SDK1: variants seen among roughly 807,000 people sequenced by gnomAD.
SDK1 encodes sidekick cell adhesion molecule 1, also known as protein sidekick-1.
Under a neutral mutation model 245.5 loss-of-function variants are expected in SDK1, and 157 were observed. The ratio of observed to expected loss-of-function variants is 0.64; its 90% CI spans 0.56 to 0.73. The LOEUF is 0.73. Among genes scored for constraint, SDK1 ranks in the 30% least tolerant of loss-of-function variants. The pLI, the probability that SDK1 is intolerant of heterozygous loss-of-function variation, is 0.00. For missense variants in SDK1, 3,583 were observed against 3,002.3 expected, an observed-to-expected ratio of 1.19 and a Z score of -4.52; for synonymous variants, 1,647 against 1,278.5, an observed-to-expected ratio of 1.29 and a Z score of -6.15.
intron 1 of SDK1, among the ~76,000 whole-genome samples, chr7:3,388,798 C>A (rs1454278329): frequency 6.6e-6 from 1 of 152,024 alleles, no homozygotes; most frequent in Non-Finnish European, 1.5e-5. Context: ...ACTAAGTCAA[C>A]GTGTGTTTAT....
chr7:4,051,680 G>A lies in SDK1; in HGVS notation c.2761G>A (p.Val921Ile). 1 of 1,613,288 alleles carries A rather than the reference G, an allele frequency of 6.2e-7. No homozygotes were observed. The highest frequency in any genetic ancestry group is 8.5e-7 in the Non-Finnish European group (1 of 1,179,682). The change falls in exon 19 of 45, where the codon GTC becomes ATC. Residue 921 changes from valine to isoleucine, a missense_variant. By Grantham distance (29) the Val-to-Ile change is conservative (BLOSUM62 3). Coordinates refer to ENST00000404826, the MANE Select transcript of SDK1 (RefSeq NM_152744.4). Reference protein sequence around the residue: ...PADAPEAVTVVTIAPDFHGVH... With the variant: ...PADAPEAVTVITIAPDFHGVH... Reference sequence around the variant, plus strand: ...AGATGCCCCCGAGGCTGTCACTGTGGTCACTATTGCCCCAGATTTCCACGG... The same window carrying A: ...AGATGCCCCCGAGGCTGTCACTGTGATCACTATTGCCCCAGATTTCCACGG...
At position 4,012,142 on chromosome 7, in the gene SDK1, T is replaced by C. The variant is rs1260029086; in HGVS notation, c.2327T>C (p.Val776Ala). ...CCCAGTGCTCCCCCGAAAAATATAGTGGCCAGTGGGCGGACTAATCAGTCC... is the reference window on the plus strand; with the variant it reads ...CCCAGTGCTCCCCCGAAAAATATAGCGGCCAGTGGGCGGACTAATCAGTCC... ...EPPSAPPKNI[V>A]ASGRTNQSIM... is the part of the protein sequence containing the mutation. The change falls in exon 16 of 45, where the codon GTG becomes GCG. Residue 776 changes from valine to alanine, a missense_variant. Coordinates refer to ENST00000404826, the MANE Select transcript of SDK1 (RefSeq NM_152744.4). 2 of 1,577,794 alleles carry C rather than the reference T, an allele frequency of 1.3e-6. No homozygotes were observed. Among genetic ancestry groups the C allele is most frequent in the Non-Finnish European group, 1.7e-6 (2 of 1,162,552 alleles).
intron 22 of SDK1, among the ~76,000 whole-genome samples, chr7:4,107,112 A>T (rs1782975331): frequency 1.1e-4 from 1 of 9,160 alleles, no homozygotes; most frequent in Non-Finnish European, 2.2e-4. Flanking sequence ...ACACACATCC[A>T]GGGTGGGGAG....
chr7:3,965,565 T>A (rs1429625803), intron 9 of SDK1, among the ~76,000 whole-genome samples: 1 of 152,188 alleles, frequency 6.6e-6, no homozygotes, highest in African/African-American at 2.4e-5. Flanking sequence ...ATTGATTTGC[T>A]CATTTAGCAA....
intron 17 of SDK1, among the ~76,000 whole-genome samples, chr7:4,023,025 C>T (rs987385392): frequency 9.2e-5 from 14 of 152,056 alleles, no homozygotes; most frequent in African/African-American, 4.8e-5. Flanking sequence ...CCGCCTGCCT[C>T]GGCCTCCCAA....
intron 1 of SDK1, among the ~76,000 whole-genome samples, chr7:3,476,960 C>T (rs1484746981): frequency 2.0e-5 from 3 of 152,088 alleles, no homozygotes; most frequent in Admixed American, 6.5e-5. Context: ...ACTCTGTAGG[C>T]GTGAGGGAAG....
chr7:3,962,524 G>T (rs1000211017), intron 8 of SDK1, 133 bp from the exon 9 acceptor site: 1 of 737,458 alleles, frequency 1.4e-6, no homozygotes, highest in East Asian at 2.8e-5. Context: ...GCTCCTTATA[G>T]GGTGGTTGAA....
chr7:4,018,362 C>T (rs1786590001), intron 17 of SDK1, among the ~76,000 whole-genome samples: 1 of 152,176 alleles, frequency 6.6e-6, no homozygotes, highest in Admixed American at 6.5e-5. Flanking sequence ...TATTGACTGG[C>T]TGTCTGTTGT....
chr7:3,603,817 G>C (rs937047239), intron 1 of SDK1, among the ~76,000 whole-genome samples: 2 of 152,080 alleles, frequency 1.3e-5, no homozygotes, highest in African/African-American at 4.8e-5. Context: ...TTGGCTGTGG[G>C]TTTGCCATAG....
In SDK1 at chr7:3,387,746, A is replaced by G. The variant is rs375057474; in HGVS notation, c.298+85862A>G. ...TCTTTTGTTACCTGTCTATTACCAC[A>G]ATAAAAATGGAAAAATATATTGCTT... On this transcript the variant is annotated intron_variant, in intron 1 of 44. Transcript: ENST00000404826. Among the ~76,000 whole-genome samples the G allele has an allele frequency of 1.1e-3, 170 of 152,370 alleles. 1 individual carries two copies. The highest frequency in any genetic ancestry group is 3.9e-3 in the African/African-American group (161 of 41,582).
chr7:3,348,053 C>T (rs562956401), intron 1 of SDK1, among the ~76,000 whole-genome samples: 1 of 152,258 alleles, frequency 6.6e-6, no homozygotes, highest in East Asian at 1.9e-4. Context: ...CCTAGCTCAG[C>T]CCTGCACTTC....
chr7:3,809,659 G>T (rs1254099177), intron 4 of SDK1, among the ~76,000 whole-genome samples: 1 of 152,176 alleles, frequency 6.6e-6, no homozygotes, highest in African/African-American at 2.4e-5. Flanking sequence ...GTATTCCTCT[G>T]CTATTATTTG....
intron 25 of SDK1, among the ~76,000 whole-genome samples, chr7:4,125,515 A>AT (rs200426071): frequency 6.6e-6 from 1 of 150,928 alleles, no homozygotes; most frequent in Non-Finnish European, 1.5e-5. Flanking sequence ...GGATGGATGG[A>AT]GATGGATGGA....
chr7:3,708,807 TCTCTTGAAGA>T (rs1784955700), intron 4 of SDK1, among the ~76,000 whole-genome samples: 2 of 152,236 alleles, frequency 1.3e-5, no homozygotes, highest in Non-Finnish European at 2.9e-5. Context: ...GTCAAGTGAG[TCTCTTGAAGA>T]CATCAGATAT....
At position 3,925,565 on chromosome 7, in the gene SDK1, C is replaced by T. The variant is rs77742702; in HGVS notation, c.848-25358C>T. Among the ~76,000 whole-genome samples the T allele has an allele frequency of 1.3e-3, 199 of 152,304 alleles. 6 individuals carry two copies. In the East Asian group the frequency reaches 0.032, roughly 25 times the overall value. On this transcript the variant is annotated intron_variant, in intron 5 of 44. Coordinates refer to ENST00000404826, the MANE Select transcript of SDK1 (RefSeq NM_152744.4). ...CGCATGCAGGATGCTTCTCCAGAGA[C>T]GGCGTGTTCTCGCTGTTGTCAGCCA...
intron 4 of SDK1, among the ~76,000 whole-genome samples, chr7:3,820,310 G>A (rs542146188): frequency 4.6e-5 from 7 of 152,110 alleles, no homozygotes; most frequent in South Asian, 2.1e-4. Context: ...CCACCACGCC[G>A]AACTAATTTT....
chr7:3,478,236 TTA>T (rs1253329823), intron 1 of SDK1, among the ~76,000 whole-genome samples: 1 of 152,164 alleles, frequency 6.6e-6, no homozygotes, highest in African/African-American at 2.4e-5. Flanking sequence ...GGGAGTTATT[TTA>T]TGTTTTATGA....
intron 1 of SDK1, among the ~76,000 whole-genome samples, chr7:3,512,571 C>G (rs926300288): frequency 2.6e-5 from 4 of 152,160 alleles, no homozygotes; most frequent in African/African-American, 7.2e-5. Context: ...TTTTACATCC[C>G]CAGCAGCAAT....
chr7:4,161,926 G>A lies in SDK1; in HGVS notation c.4800+70G>A, dbSNP rs564615588. The A allele has an allele frequency of 1.2e-4, 159 of 1,365,352 alleles. No individual in the cohort carries two copies. In the African/African-American group the frequency reaches 2.1e-3, roughly 18 times the overall value. 84.6% of individuals were successfully genotyped at this position (1,365,352 alleles called of 1,614,324 possible). On this transcript the variant is annotated intron_variant, in intron 32 of 44. Transcript: ENST00000404826. ...ATTTCCCTGCGCATTCAGCCACAAC[G>A]GCTGACATGGACTGCAAGCTGAGCC...
Sources: gnomAD v4.1 joint callset for allele counts (sites outside exome capture counted in the v4.1 genomes callset) on GRCh38, gnomAD v4.1.1 for gene constraint, MANE v1.5 for transcripts, NCBI Gene and HGNC (gene_info 2026-07-23, HGNC 2026-07-21) for gene names.